The following GSN variants were observed in gnomAD, a reference collection of about 807,000 sequenced individuals.
The protein encoded by GSN is actin-depolymerizing factor.
GSN carries 56 observed loss-of-function variants against 85.7 expected under a neutral mutation model. The observed-to-expected ratio is 0.65, with a 90% CI of 0.53 to 0.82. GSN has a LOEUF of 0.82. Among genes scored for constraint, GSN ranks in the 40% least tolerant of loss-of-function variants. The pLI is 0.00. For synonymous variants in GSN, 373 were observed against 399.1 expected (o/e 0.93, Z 0.78); for missense variants, 857 against 979.8 (o/e 0.87, Z 1.67).
intron 1 of GSN, among the ~76,000 whole-genome samples, chr9:121,273,661 T>C (rs1342493687): frequency 6.6e-6 from 1 of 152,206 alleles, no homozygotes; most frequent in African/African-American, 2.4e-5. Context: ...TAATTGTCTG[T>C]TCTGACTTTC....
chr9:121,257,140 A>G (rs746543852), intron 6 of GSN, among the ~76,000 whole-genome samples: 1 of 151,966 alleles, frequency 6.6e-6, no homozygotes, highest in Non-Finnish European at 1.5e-5. Flanking sequence ...TTTATCAATT[A>G]AAAAAAAGAG....
chr9:121,239,195 TG>T, intron 5 of GSN: 1 of 326,544 alleles, frequency 3.1e-6, no homozygotes, highest in South Asian at 2.7e-5. Context: ...ATCTCTTCTC[TG>T]GCTGTAGAAA....
intron 4 of GSN, among the ~76,000 whole-genome samples, chr9:121,227,251 A>G (rs1354101598): frequency 1.3e-5 from 2 of 152,128 alleles, no homozygotes; most frequent in East Asian, 1.9e-4. Flanking sequence ...AAAATTAGCT[A>G]GGCGTGGTGG....
intron 5 of GSN, among the ~76,000 whole-genome samples, chr9:121,241,779 C>G (rs1051846218): frequency 6.6e-6 from 1 of 152,114 alleles, no homozygotes; most frequent in East Asian, 1.9e-4. Flanking sequence ...ATATTTGATT[C>G]CTGTGAAGGA....
At position 121,321,343 on chromosome 9, in the gene GSN, T is replaced by C. The variant is rs1564564688; in HGVS notation, c.1267T>C (p.Tyr423His). Residue 423 changes from tyrosine (Y) to histidine (H), a missense_variant, in exon 11 of 18, where the codon TAC (tyrosine) becomes CAC (histidine). Transcript: ENST00000432226. ...TYGQFYGGDSYIILYNYRHGG... is the reference protein window; with the variant it reads ...TYGQFYGGDSHIILYNYRHGG... ...TGGACAGTTCTATGGAGGCGACAGC[T>C]ACATCATTCTGTACAACTACCGCCA... 1.2e-6 allele frequency: 2 copies of C among 1,614,038 alleles called. No individual in the cohort carries two copies. Among genetic ancestry groups the C allele is most frequent in the Admixed American group, 1.7e-5 (1 of 60,032 alleles).
At chr9:121,302,785 G>A (rs1177314452) in intron 3 of GSN, 126 bp from the exon 4 acceptor site, 1 of 907,360 alleles carries the variant, frequency 1.1e-6, no homozygotes, top group Non-Finnish European at 1.8e-6. Flanking sequence ...CTCACAGAAG[G>A]CAAGGGCTTT....
chr9:121,250,017 G>A (rs1490261713), intron 6 of GSN, among the ~76,000 whole-genome samples: 1 of 152,148 alleles, frequency 6.6e-6, no homozygotes, highest in African/African-American at 2.4e-5. Flanking sequence ...ATAGAACTTG[G>A]AGATGATGCT....
At chr9:121,271,234 A>G (rs1292624909) in intron 1 of GSN, among the ~76,000 whole-genome samples, 1 of 152,142 alleles carries the variant, frequency 6.6e-6, no homozygotes, top group Non-Finnish European at 1.5e-5. Context: ...TGCTCCTGTA[A>G]TCCTAGCTAC....
chr9:121,262,231 C>A (rs1347075711), intron 6 of GSN, among the ~76,000 whole-genome samples: 1 of 152,204 alleles, frequency 6.6e-6, no homozygotes, highest in African/African-American at 2.4e-5. Flanking sequence ...TTCCCTTGGC[C>A]TTCTTTCACT....
rs747566505 is a variant in GSN, at chr9:121,318,662, C to T, written c.976-3C>T. ...ATCCTGCTCCTCTGCCTCCCCTCCC[C>T]AGGTCTCGGTCCTTCCTGAGGGCGG... is the stretch of plus-strand genomic sequence containing the variant. On this transcript the variant is annotated splice_polypyrimidine_tract_variant and splice_region_variant and intron_variant, in intron 9 of 17. Transcript: ENST00000432226. The surrounding 1 kb of genome is among the most constrained non-coding windows in gnomAD (Gnocchi z 4.3). 3.7e-6 allele frequency: 6 copies of T among 1,608,356 alleles called. No homozygotes were observed. Among genetic ancestry groups the T allele is most frequent in the South Asian group, 3.3e-5 (3 of 90,950 alleles).
At chr9:121,242,494 A>T (rs76498109) in intron 5 of GSN, among the ~76,000 whole-genome samples, 2 of 64,316 alleles carry the variant, frequency 3.1e-5, no homozygotes, top group East Asian at 1.3e-3. Flanking sequence ...GGGGCTAGAC[A>T]GGGGAAAGCC....
intron 3 of GSN, among the ~76,000 whole-genome samples, chr9:121,302,681 C>T (rs1478683275): frequency 6.6e-6 from 1 of 152,154 alleles, no homozygotes; most frequent in Non-Finnish European, 1.5e-5. Context: ...CTCAGGAGGG[C>T]TGAGAATGAA....
chr9:121,268,688 T>C (rs1044445764), intron 1 of GSN, among the ~76,000 whole-genome samples: 1 of 152,154 alleles, frequency 6.6e-6, no homozygotes, highest in African/African-American at 2.4e-5. Context: ...CTGCTTCCTC[T>C]TTCTGGGGAC....
Position 121,318,254 on chromosome 9 carries a change from G to A in GSN, c.887-152G>A. On this transcript the variant is annotated intron_variant, in intron 8 of 17. Transcript: ENST00000432226. This position sits in a 1 kb window ranked among gnomAD's most constrained non-coding sequence, Gnocchi z 4.3. ...TGGACACCAGGAGCTCTAGTGAGTG[G>A]TCGGCTCTGGGGGTCTCTGGCCTTG... 1.4e-6 allele frequency: 1 copy of A among 716,492 alleles called. No individual in the cohort carries two copies. The allele number at this position is 716,492 out of a possible 1,614,324, so 44.4% of individuals were successfully genotyped here.
intron 2 of GSN, among the ~76,000 whole-genome samples, chr9:121,287,693 T>C (rs1005259814): frequency 7.6e-5 from 11 of 145,346 alleles, no homozygotes; most frequent in Admixed American, 2.1e-4. Flanking sequence ...TTTTTTTTTC[T>C]TTTTTTTTTA....
intron 10 of GSN, among the ~76,000 whole-genome samples, chr9:121,319,524 T>C (rs552304335): frequency 4.0e-5 from 6 of 151,692 alleles, no homozygotes; most frequent in Non-Finnish European, 8.8e-5. Context: ...GGTCTCGCTA[T>C]GTTGCCCGGG....
chr9:121,250,202 C>CTTTT (rs542805619), intron 6 of GSN, among the ~76,000 whole-genome samples: 4 of 127,558 alleles, frequency 3.1e-5, no homozygotes, highest in Non-Finnish European at 4.7e-5. Flanking sequence ...AGATCCTTCT[C>CTTTT]TTTTTTTTTT....
At chr9:121,267,666 G>C (rs978950189), upstream of GSN, among the ~76,000 whole-genome samples, 2 of 152,166 alleles carry the variant, frequency 1.3e-5, no homozygotes, top group African/African-American at 4.8e-5. Context: ...CATTCGGAAT[G>C]AGCTGGGAAT....
chr9:121,208,454 G>A lies in GSN; in HGVS notation c.-808+557G>A, dbSNP rs977166781. On this transcript the variant is annotated intron_variant, in intron 1 of 24. Coordinates refer to the GSN transcript ENST00000373823. ...CACAAGATAGAAATGTATTCTTCCC[G>A]CACATGGAAGTCTGGGTAAGTAGTA... is the stretch of plus-strand genomic sequence containing the variant. 7.2e-5 allele frequency among the ~76,000 whole-genome samples: 11 copies of A among 152,274 alleles called. No individual in the cohort carries two copies. In the East Asian group the frequency reaches 1.3e-3, roughly 19 times the overall value.
Sources: allele counts gnomAD v4.1 joint callset (sites outside exome capture counted in the v4.1 genomes callset), GRCh38; gene constraint gnomAD v4.1.1; non-coding constraint Gnocchi (gnomAD v3.1); transcripts MANE v1.5; gene names NCBI Gene and HGNC (gene_info 2026-07-23, HGNC 2026-07-21).